DMXL2: variants seen among roughly 807,000 people sequenced by gnomAD.
DMXL2 encodes the protein Dmx like 2, also known as dmX-like protein 2.
In DMXL2, 103 loss-of-function variants were observed where a neutral mutation model predicts 331.1. The ratio of observed to expected loss-of-function variants is 0.31; its 90% CI spans 0.27 to 0.37. The LOEUF (loss-of-function observed/expected upper bound fraction) is 0.37. Among genes scored for constraint, DMXL2 ranks in the 10% least tolerant of loss-of-function variants. The probability of loss-of-function intolerance (pLI) is 1.00; values close to 1 mark genes in which losing one functional copy is unlikely to be tolerated. For missense variants in DMXL2, 3,171 were observed against 3,642.9 expected (o/e 0.87, Z 3.33); for synonymous variants, 1,281 against 1,252.1 (o/e 1.02, Z -0.49).
intron 1 of DMXL2, among the ~76,000 whole-genome samples, chr15:51,580,779 GT>G (rs2051355394): frequency 6.6e-6 from 1 of 151,254 alleles, no homozygotes; most frequent in Non-Finnish European, 1.5e-5. Context: ...AGATAATTCT[GT>G]AGCATAAGCT....
intron 20 of DMXL2, among the ~76,000 whole-genome samples, chr15:51,491,235 A>T (rs1039967865): frequency 6.6e-6 from 1 of 152,112 alleles, no homozygotes; most frequent in African/African-American, 2.4e-5. Flanking sequence ...GAGGTCAGGG[A>T]TTCGAGACCA....
intron 33 of DMXL2, among the ~76,000 whole-genome samples, chr15:51,460,850 A>G (rs34532503): frequency 0.19 from 28,434 of 151,784 alleles, 3,051 homozygotes; most frequent in Non-Finnish European, 0.24. Context: ...TTTTTTTCAG[A>G]TCTGAGCTAT....
chr15:51,493,573 T>C (rs938346856), intron 19 of DMXL2, among the ~76,000 whole-genome samples: 1 of 152,214 alleles, frequency 6.6e-6, no homozygotes, highest in Non-Finnish European at 1.5e-5. Flanking sequence ...TTTCTATCTA[T>C]GTACTGGCTA....
intron 2 of DMXL2, among the ~76,000 whole-genome samples, chr15:51,574,490 C>T (rs1222790724): frequency 6.6e-6 from 1 of 152,186 alleles, no homozygotes; most frequent in African/African-American, 2.4e-5. Context: ...GTGATTTTAA[C>T]TCTTATCCAA....
chr15:51,600,051 G>T (rs184256156), intron 1 of DMXL2, among the ~76,000 whole-genome samples: 376 of 152,248 alleles, frequency 2.5e-3, no homozygotes, highest in African/African-American at 8.7e-3. Context: ...GAGAAACCTG[G>T]CTCACAATAT....
At chr15:51,596,913 G>A (rs1011305091) in intron 1 of DMXL2, among the ~76,000 whole-genome samples, 1 of 152,140 alleles carries the variant, frequency 6.6e-6, no homozygotes, top group Non-Finnish European at 1.5e-5. Context: ...ACACACCGGG[G>A]CCTGTTGTGA....
At chr15:51,536,046 C>A (rs975576922) in intron 12 of DMXL2, 120 bp downstream of exon 12, 16 of 1,001,540 alleles carry the variant, frequency 1.6e-5, no homozygotes, top group Non-Finnish European at 2.2e-5. Flanking sequence ...TTAAAAATCA[C>A]CTTAATGAAA....
chr15:51,496,389 A>C (rs1203057935), intron 18 of DMXL2, among the ~76,000 whole-genome samples: 2 of 152,132 alleles, frequency 1.3e-5, no homozygotes, highest in Admixed American at 1.3e-4. Context: ...CCAGGAAGGA[A>C]CTCTCCAATA....
rs1250599330 is a variant in DMXL2 at position 51,542,447 on chromosome 15, G to A, written c.991C>T (p.His331Tyr). Residue 331 changes from histidine (H) to tyrosine (Y), a missense_variant, in exon 9 of 44, where the codon CAT becomes TAT. Physicochemically the swap from His to Tyr is moderately conservative, Grantham distance 83. Coordinates refer to ENST00000560891, the MANE Select transcript of DMXL2 (RefSeq NM_001378457.1). ...GQRRSSVLVT[H>Y]AELMPDQTAM... ...GTCTGGTCGGGCATTAATTCAGCAT[G>A]AGTTACAAGAACAGATGACCTCCTC... is the stretch of plus-strand genomic sequence containing the variant. The A allele has an allele frequency of 6.2e-7, 1 of 1,613,752 alleles. No individual in the cohort carries two copies. The highest frequency in any genetic ancestry group is 8.5e-7 in the Non-Finnish European group (1 of 1,179,806).
At chr15:51,543,064 T>A (rs535016534) in intron 8 of DMXL2, among the ~76,000 whole-genome samples, 30 of 152,318 alleles carry the variant, frequency 2.0e-4, no homozygotes, top group Non-Finnish European at 1.5e-5. Context: ...TTAAATTGTT[T>A]TAAACAATTT....
chr15:51,462,279 T>C (rs2040196807), intron 33 of DMXL2, among the ~76,000 whole-genome samples: 1 of 152,206 alleles, frequency 6.6e-6, no homozygotes, highest in South Asian at 2.1e-4. Context: ...CTCTCTGTTT[T>C]CACTTTTCTA....
chr15:51,451,622 A>T (rs569607452), intron 42 of DMXL2, 23 bp downstream of exon 42: 5 of 1,588,718 alleles, frequency 3.1e-6, no homozygotes, highest in African/African-American at 1.3e-5. Flanking sequence ...GTATATTTTT[A>T]AAAATCATAG....
At chr15:51,492,059 G>A (rs1236915104) in intron 19 of DMXL2, among the ~76,000 whole-genome samples, 1 of 152,108 alleles carries the variant, frequency 6.6e-6, no homozygotes, top group Non-Finnish European at 1.5e-5. Context: ...TCACATGTAC[G>A]GTACACCAAA....
intron 13 of DMXL2, among the ~76,000 whole-genome samples, chr15:51,529,421 T>G (rs1350942319): frequency 6.6e-6 from 1 of 152,018 alleles, no homozygotes; most frequent in Non-Finnish European, 1.5e-5. Flanking sequence ...AAAAAAGGGA[T>G]ACTACAACTG....
chr15:51,448,518 A>T lies in DMXL2; in HGVS notation c.*466T>A, dbSNP rs1287723835. Reference sequence around the variant, plus strand: ...GGTCACTGCGCACTGCTCCACAGCTAAGAAAGTTTTCCAGGTGGTCTAGCG... The same window carrying T: ...GGTCACTGCGCACTGCTCCACAGCTTAGAAAGTTTTCCAGGTGGTCTAGCG... On this transcript the variant is annotated 3_prime_UTR_variant, in exon 44 of 44. Coordinates refer to ENST00000560891, the MANE Select transcript of DMXL2 (RefSeq NM_001378457.1). 2 of 194,732 alleles carry T rather than the reference A, an allele frequency of 1.0e-5. No homozygotes were observed. The highest frequency in any genetic ancestry group is 2.2e-5 in the Non-Finnish European group (2 of 92,640). 12.1% of individuals were successfully genotyped at this position (194,732 alleles called of 1,614,324 possible). A position where few individuals can be genotyped will look rare whatever the true frequency, so the allele number is the denominator to read the frequency against.
chr15:51,455,316 C>G, intron 39 of DMXL2, 88 bp from the exon 40 acceptor site: 1 of 1,076,990 alleles, frequency 9.3e-7, no homozygotes, highest in Non-Finnish European at 1.4e-6. Context: ...TAAGGCCCTA[C>G]TAAATAAACA....
chr15:51,463,904 T>C (rs909379863), intron 32 of DMXL2, among the ~76,000 whole-genome samples: 37 of 151,876 alleles, frequency 2.4e-4, no homozygotes, highest in African/African-American at 8.0e-4. Context: ...CTTATTTTAA[T>C]AGTAAAAACT....
At chr15:51,488,514 C>T in intron 21 of DMXL2, 34 bp downstream of exon 21, 1 of 1,537,860 alleles carries the variant, frequency 6.5e-7, no homozygotes, top group Non-Finnish European at 9.0e-7. Flanking sequence ...AATCTTCATT[C>T]TGTTGAATCA....
intron 6 of DMXL2, among the ~76,000 whole-genome samples, chr15:51,547,789 G>A (rs2048969419): frequency 1.3e-5 from 2 of 151,994 alleles, no homozygotes; most frequent in Non-Finnish European, 2.9e-5. Flanking sequence ...TTTTTGAAGT[G>A]GTCTTTAACA....
Sources: allele counts gnomAD v4.1 joint callset (sites outside exome capture counted in the v4.1 genomes callset), GRCh38; gene constraint gnomAD v4.1.1; transcripts MANE v1.5; gene names NCBI Gene and HGNC (gene_info 2026-07-23, HGNC 2026-07-21).